Variants in CNTNAP2 observed in about 807,000 individuals in gnomAD.
CNTNAP2 encodes contactin associated protein 2.
In CNTNAP2, 98 loss-of-function variants were observed where a neutral mutation model predicts 155.2. That is an observed-to-expected ratio of 0.63 (90% CI 0.54 to 0.75). The LOEUF is 0.75. Among genes scored for constraint, CNTNAP2 ranks in the 30% least tolerant of loss-of-function variants. The pLI is 0.00. For synonymous variants in CNTNAP2, 651 were observed against 631.2 expected (o/e 1.03, Z -0.47); for missense variants, 1,727 against 1,688.1 (o/e 1.02, Z -0.40).
intron 1 of CNTNAP2, among the ~76,000 whole-genome samples, chr7:146,148,408 A>C (rs371302619): frequency 8.5e-5 from 13 of 152,162 alleles, no homozygotes; most frequent in East Asian, 7.7e-4. Context: ...ACTTTCACAG[A>C]AACATAATAG....
chr7:146,647,212 T>C (rs970365206), intron 1 of CNTNAP2, among the ~76,000 whole-genome samples: 4 of 152,166 alleles, frequency 2.6e-5, no homozygotes, highest in African/African-American at 9.7e-5. Flanking sequence ...ATTGGCTCCC[T>C]CGCTGTTTGA....
intron 1 of CNTNAP2, among the ~76,000 whole-genome samples, chr7:146,505,110 C>A (rs6947614): frequency 6.6e-6 from 1 of 152,106 alleles, no homozygotes; most frequent in Admixed American, 6.5e-5. Flanking sequence ...TCCAAAGCTG[C>A]CCATGTTGCA....
chr7:147,560,698 C>T (rs1800046729), intron 11 of CNTNAP2, among the ~76,000 whole-genome samples: 1 of 151,672 alleles, frequency 6.6e-6, no homozygotes, highest in Non-Finnish European at 1.5e-5. Context: ...GCCTAACGCA[C>T]TGCTCAGTGC....
chr7:148,391,215 A>G, intron 22 of CNTNAP2, among the ~76,000 whole-genome samples: 1 of 152,236 alleles, frequency 6.6e-6, no homozygotes, highest in East Asian at 1.9e-4. Context: ...AGATTTATAT[A>G]AATAAGAAAT....
At chr7:146,819,621 T>G (rs1803237663) in intron 2 of CNTNAP2, among the ~76,000 whole-genome samples, 1 of 152,194 alleles carries the variant, frequency 6.6e-6, no homozygotes, top group South Asian at 2.1e-4. Context: ...AATTTATGTC[T>G]TAATTTCATC....
intron 9 of CNTNAP2, among the ~76,000 whole-genome samples, chr7:147,389,547 G>A (rs962785366): frequency 6.6e-6 from 1 of 152,122 alleles, no homozygotes; most frequent in Non-Finnish European, 1.5e-5. Flanking sequence ...AAATGCTTGT[G>A]TTTTCTTTGT....
At chr7:147,053,395 C>CA (rs1231610779) in intron 4 of CNTNAP2, among the ~76,000 whole-genome samples, 1 of 151,930 alleles carries the variant, frequency 6.6e-6, no homozygotes, top group Non-Finnish European at 1.5e-5. Context: ...TGACTTTGTT[C>CA]AGTGAGAGAA....
intron 1 of CNTNAP2, among the ~76,000 whole-genome samples, chr7:146,191,994 C>G (rs1410207105): frequency 6.6e-6 from 1 of 152,124 alleles, no homozygotes; most frequent in Non-Finnish European, 1.5e-5. Flanking sequence ...TAGGAAATCA[C>G]AAGAGTATTG....
intron 15 of CNTNAP2, chr7:147,978,197 T>C (rs552298266): frequency 2.4e-4 from 147 of 606,974 alleles, no homozygotes; most frequent in Non-Finnish European, 4.0e-4. Context: ...AGTGGGGATA[T>C]CCATCTTTCC....
intron 14 of CNTNAP2, among the ~76,000 whole-genome samples, chr7:147,917,206 G>C (rs1800176315): frequency 6.6e-6 from 1 of 152,210 alleles, no homozygotes; most frequent in Non-Finnish European, 1.5e-5. Flanking sequence ...ATTAGGCCCT[G>C]CCTCAGACTA....
At chr7:146,942,526 A>C (rs1043698128) in intron 3 of CNTNAP2, among the ~76,000 whole-genome samples, 1 of 152,196 alleles carries the variant, frequency 6.6e-6, no homozygotes, top group African/African-American at 2.4e-5. Flanking sequence ...ATTACAAGCT[A>C]TATATCAGTT....
intron 3 of CNTNAP2, among the ~76,000 whole-genome samples, chr7:146,913,218 A>G (rs1439830130): frequency 6.6e-6 from 1 of 152,142 alleles, no homozygotes; most frequent in Non-Finnish European, 1.5e-5. Flanking sequence ...CCTAGGTACT[A>G]GTAGTTGGCC....
chr7:146,907,102 A>G (rs1215708190), intron 3 of CNTNAP2, among the ~76,000 whole-genome samples: 1 of 151,888 alleles, frequency 6.6e-6, no homozygotes, highest in African/African-American at 2.4e-5. Context: ...AGTTTAGAGA[A>G]AAAAGAATAA....
chr7:147,317,776 A>G (rs2692156), intron 9 of CNTNAP2, among the ~76,000 whole-genome samples: 1,769 of 134,254 alleles, frequency 0.013, 26 homozygotes, highest in East Asian at 0.075. Context: ...ATATATATAT[A>G]TGTGTGTGTG....
chr7:146,780,771 A>G (rs1412972070), intron 2 of CNTNAP2, among the ~76,000 whole-genome samples: 1 of 152,050 alleles, frequency 6.6e-6, no homozygotes, highest in Non-Finnish European at 1.5e-5. Context: ...CTAACACAGA[A>G]ACAGAAAACC....
At chr7:146,483,282 A>AAAAAATATATATAT (rs1178407767) in intron 1 of CNTNAP2, among the ~76,000 whole-genome samples, 2 of 39,880 alleles carry the variant, frequency 5.0e-5, no homozygotes, top group Non-Finnish European at 1.0e-4. Flanking sequence ...TCTAAAAAAA[A>AAAAAATATATATAT]ATATATATAT....
chr7:146,133,925 A>T (rs1797757141), intron 1 of CNTNAP2, among the ~76,000 whole-genome samples: 1 of 151,486 alleles, frequency 6.6e-6, no homozygotes, highest in Non-Finnish European at 1.5e-5. Flanking sequence ...ATGAACTTTA[A>T]AGTAGTTTTT....
intron 11 of CNTNAP2, among the ~76,000 whole-genome samples, chr7:147,515,112 G>A (rs566795603): frequency 7.6e-4 from 115 of 151,934 alleles, no homozygotes; most frequent in African/African-American, 2.6e-3. Flanking sequence ...TGAACACATC[G>A]GGCAAGCATT....
intron 1 of CNTNAP2, among the ~76,000 whole-genome samples, chr7:146,316,518 A>G (rs2129091623): frequency 6.6e-6 from 1 of 152,206 alleles, no homozygotes; most frequent in South Asian, 2.1e-4. Context: ...TAGGGCTGAG[A>G]ATTAGGACCC....
Sources: allele counts gnomAD v4.1 joint callset (sites outside exome capture counted in the v4.1 genomes callset), GRCh38; gene constraint gnomAD v4.1.1; transcripts MANE v1.5; gene names NCBI Gene and HGNC (gene_info 2026-07-23, HGNC 2026-07-21).